The following FGGY variants were observed in gnomAD, a reference collection of about 807,000 sequenced individuals.
FGGY encodes FGGY carbohydrate kinase domain containing.
A neutral mutation model predicts 71.3 loss-of-function variants in FGGY; 72 were observed. The observed-to-expected ratio is 1.01, with a 90% CI of 0.84 to 1.23. The LOEUF is 1.23. FGGY is among the 50% of genes most tolerant of loss of function. FGGY has a pLI of 0.00. For synonymous variants in FGGY, 251 were observed against 250.3 expected (o/e 1.00, Z -0.02); for missense variants, 668 against 682.3 (o/e 0.98, Z 0.23).
rs554584211 is a variant in FGGY at position 59,568,865 on chromosome 1, T to C, written c.903+14638T>C. 1.4e-4 allele frequency among the ~76,000 whole-genome samples: 22 copies of C among 152,292 alleles called. No homozygotes were observed. The South Asian group carries it at 1.7e-3, about 11-fold the overall frequency. On this transcript the variant is annotated intron_variant, in intron 8 of 15. Coordinates refer to ENST00000303721, the MANE Select transcript of FGGY (RefSeq NM_018291.5). ...CAGTAGGTAGTCAACACATAGTTTA[T>C]AATTAAGTTAGTTTAAAGTGATACG...
At chr1:59,417,626 T>C (rs2064696049) in intron 5 of FGGY, among the ~76,000 whole-genome samples, 1 of 152,236 alleles carries the variant, frequency 6.6e-6, no homozygotes. Flanking sequence ...TTTGTTTGTT[T>C]TTATTATAAC....
At chr1:59,761,589 C>T (rs1394845505) in intron 15 of FGGY, among the ~76,000 whole-genome samples, 4 of 152,182 alleles carry the variant, frequency 2.6e-5, no homozygotes, top group Non-Finnish European at 5.9e-5. Flanking sequence ...TCCTATTATT[C>T]CTTTCAGGAT....
At chr1:59,754,402 G>A (rs1162247352) in intron 14 of FGGY, among the ~76,000 whole-genome samples, 1 of 151,462 alleles carries the variant, frequency 6.6e-6, no homozygotes, top group Admixed American at 6.6e-5. Flanking sequence ...TTGTTTGTTT[G>A]TTTTGGTCTC....
intron 15 of FGGY, among the ~76,000 whole-genome samples, chr1:59,759,912 C>T (rs983175827): frequency 2.0e-5 from 3 of 152,166 alleles, no homozygotes; most frequent in Non-Finnish European, 4.4e-5. Flanking sequence ...TTATTATGTT[C>T]AGTCCAAATT....
At chr1:59,638,174 A>G in intron 10 of FGGY, 54 bp from the exon 11 acceptor site, 1 of 1,556,848 alleles carries the variant, frequency 6.4e-7, no homozygotes, top group Non-Finnish European at 8.8e-7. Flanking sequence ...CTATAGAATG[A>G]TTTGCTCCCT....
intron 11 of FGGY, among the ~76,000 whole-genome samples, chr1:59,640,018 T>G (rs2097004286): frequency 6.6e-6 from 1 of 152,234 alleles, no homozygotes; most frequent in African/African-American, 2.4e-5. Flanking sequence ...TGAGAATAAG[T>G]ATGTATGCAC....
chr1:59,360,324 G>T (rs1319882822), intron 4 of FGGY, among the ~76,000 whole-genome samples: 1 of 152,136 alleles, frequency 6.6e-6, no homozygotes, highest in Non-Finnish European at 1.5e-5. Flanking sequence ...GCCTACTGCA[G>T]TTGTCTTGGC....
At chr1:59,560,760 G>A (rs1325621813) in intron 8 of FGGY, among the ~76,000 whole-genome samples, 1 of 152,102 alleles carries the variant, frequency 6.6e-6, no homozygotes, top group Non-Finnish European at 1.5e-5. Context: ...ATACAAAATG[G>A]TAACTACTAT....
At chr1:59,528,998 A>G (rs1357625680) in intron 7 of FGGY, among the ~76,000 whole-genome samples, 1 of 152,242 alleles carries the variant, frequency 6.6e-6, no homozygotes, top group African/African-American at 2.4e-5. Flanking sequence ...AGATGATTAT[A>G]TAGCTGTCTG....
chr1:59,407,272 C>T (rs1466681644), intron 5 of FGGY, among the ~76,000 whole-genome samples: 1 of 152,116 alleles, frequency 6.6e-6, no homozygotes, highest in Non-Finnish European at 1.5e-5. Flanking sequence ...GAGTTTCTTC[C>T]CTGTCCCCTG....
chr1:59,476,081 C>T (rs755798519), intron 6 of FGGY, among the ~76,000 whole-genome samples: 2 of 152,180 alleles, frequency 1.3e-5, no homozygotes, highest in Admixed American at 6.5e-5. Flanking sequence ...ATAGCTTTTG[C>T]GTTAACTCTG....
chr1:59,511,480 A>G (rs2094516904), intron 6 of FGGY, among the ~76,000 whole-genome samples: 1 of 152,124 alleles, frequency 6.6e-6, no homozygotes, highest in Non-Finnish European at 1.5e-5. Flanking sequence ...TCTGTTTAAC[A>G]CCTAGGAGCA....
At chr1:59,437,335 T>C (rs1316433001) in intron 5 of FGGY, among the ~76,000 whole-genome samples, 1 of 152,222 alleles carries the variant, frequency 6.6e-6, no homozygotes, top group Non-Finnish European at 1.5e-5. Context: ...TCCTGCCCTA[T>C]AACGACAGTA....
At chr1:59,598,439 T>A (rs905795871) in intron 8 of FGGY, among the ~76,000 whole-genome samples, 5 of 152,208 alleles carry the variant, frequency 3.3e-5, no homozygotes, top group Admixed American at 3.3e-4. Context: ...GAATAAGGAA[T>A]TCAGTGTTTA....
chr1:59,701,784 A>G (rs1323849022), intron 14 of FGGY, among the ~76,000 whole-genome samples: 1 of 152,106 alleles, frequency 6.6e-6, no homozygotes, highest in Non-Finnish European at 1.5e-5. Flanking sequence ...AGAATTTTAA[A>G]CCTTGGGAAC....
intron 14 of FGGY, chr1:59,733,411 C>A (rs969117433): frequency 6.5e-6 from 1 of 152,812 alleles, no homozygotes; most frequent in African/African-American, 2.4e-5. Context: ...ATTTAAACTT[C>A]CTGACTGGAT....
At chr1:59,654,102 C>T (rs2097196192) in intron 11 of FGGY, among the ~76,000 whole-genome samples, 1 of 152,194 alleles carries the variant, frequency 6.6e-6, no homozygotes, top group African/African-American at 2.4e-5. Context: ...TAGGATTCTG[C>T]TTACCACATT....
intron 2 of FGGY, among the ~76,000 whole-genome samples, chr1:59,325,967 A>T (rs1272860540): frequency 6.6e-6 from 1 of 152,250 alleles, no homozygotes; most frequent in African/African-American, 2.4e-5. Context: ...CACAAGTCAT[A>T]GAGGTTATAT....
At chr1:59,398,898 C>T (rs1307322229) in intron 5 of FGGY, among the ~76,000 whole-genome samples, 2 of 152,186 alleles carry the variant, frequency 1.3e-5, no homozygotes, top group Non-Finnish European at 2.9e-5. Flanking sequence ...TTCTGTATCC[C>T]TGCTATTCCC....
Sources: allele counts gnomAD v4.1 joint callset (sites outside exome capture counted in the v4.1 genomes callset), GRCh38; gene constraint gnomAD v4.1.1; transcripts MANE v1.5; gene names NCBI Gene and HGNC (gene_info 2026-07-23, HGNC 2026-07-21).